The following XXYLT1 variants were observed in gnomAD, a reference collection of about 807,000 sequenced individuals.
XXYLT1 encodes the protein UDP-xylose:alpha-xyloside alpha-1,3-xylosyltransferase.
Under a neutral mutation model 28.9 loss-of-function variants are expected in XXYLT1, and 20 were observed. The observed-to-expected ratio is 0.69, with a 90% CI of 0.49 to 1.00. The LOEUF is 1.00. Ranked by LOEUF, XXYLT1 falls within the 50% of genes least tolerant of loss-of-function variation. The probability of loss-of-function intolerance (pLI) is 0.00; values close to 1 mark genes in which losing one functional copy is unlikely to be tolerated. For synonymous variants in XXYLT1, 257 were observed against 253.8 expected (o/e 1.01, Z -0.12); for missense variants, 542 against 560.1 (o/e 0.97, Z 0.33).
At chr3:195,158,832 G>C (rs1720733330) in intron 2 of XXYLT1, among the ~76,000 whole-genome samples, 1 of 152,222 alleles carries the variant, frequency 6.6e-6, no homozygotes, top group Admixed American at 6.5e-5. Flanking sequence ...TGAAGAGAAA[G>C]ATGCTTACTA....
chr3:195,085,291 C>CT (rs1715657432), intron 3 of XXYLT1, among the ~76,000 whole-genome samples: 1 of 152,226 alleles, frequency 6.6e-6, no homozygotes, highest in Admixed American at 6.5e-5. Context: ...CTCCAAACCT[C>CT]TTGGGAATGG....
intron 2 of XXYLT1, among the ~76,000 whole-genome samples, chr3:195,187,705 T>C (rs1722263334): frequency 6.6e-6 from 1 of 152,212 alleles, no homozygotes; most frequent in Non-Finnish European, 1.5e-5. Context: ...TGAAACTTTT[T>C]TCATTTGCAG....
intron 2 of XXYLT1, chr3:195,175,848 G>A: frequency 3.5e-6 from 5 of 1,412,958 alleles, no homozygotes; most frequent in Non-Finnish European, 3.7e-6. Flanking sequence ...TTAAAAGGAA[G>A]ATGTCCTAGA....
At chr3:195,086,786 G>A (rs750896733) in intron 3 of XXYLT1, among the ~76,000 whole-genome samples, 2 of 152,132 alleles carry the variant, frequency 1.3e-5, no homozygotes, top group African/African-American at 2.4e-5. Flanking sequence ...GAGATACTTA[G>A]CAGGTGTATG....
At chr3:195,148,543 A>G (rs1167474516) in intron 3 of XXYLT1, among the ~76,000 whole-genome samples, 1 of 152,140 alleles carries the variant, frequency 6.6e-6, no homozygotes, top group Non-Finnish European at 1.5e-5. Context: ...CAAGTCCTAC[A>G]TTTATGCATC....
rs1190641440 is a variant in XXYLT1, at chr3:195,250,032, A to C, written c.504+20523T>G. On this transcript the variant is annotated intron_variant, in intron 1 of 3. Transcript: ENST00000310380. Reference sequence around the variant, plus strand: ...GGCCAGAGCCCTCCTCCTCTGACCCAGTCAAAGCTGGAATCCTCACTCTGA... The same window carrying C: ...GGCCAGAGCCCTCCTCCTCTGACCCCGTCAAAGCTGGAATCCTCACTCTGA... 3.9e-5 allele frequency among the ~76,000 whole-genome samples: 6 copies of C among 152,128 alleles called. No homozygotes were observed. The East Asian group carries it at 1.2e-3, about 29-fold the overall frequency.
chr3:195,244,489 C>T (rs879919155), intron 1 of XXYLT1, among the ~76,000 whole-genome samples: 4 of 152,080 alleles, frequency 2.6e-5, no homozygotes, highest in Admixed American at 6.5e-5. Flanking sequence ...CGGCCGGGCG[C>T]GGTGGCTCAT....
At chr3:195,143,842 A>G (rs1162754473) in intron 3 of XXYLT1, among the ~76,000 whole-genome samples, 1 of 82,556 alleles carries the variant, frequency 1.2e-5, no homozygotes, top group Non-Finnish European at 2.2e-5. Context: ...ATATAGATAT[A>G]GATATATATA....
rs536459515 is a variant in XXYLT1 at position 195,109,973 on chromosome 3, ATG to A, written c.786-39864_786-39863del. Among the ~76,000 whole-genome samples, 48 of 24,628 alleles carry A rather than the reference ATG, an allele frequency of 1.9e-3. 13 individuals carry two copies. Among genetic ancestry groups the A allele is most frequent in the African/African-American group, 5.6e-3 (45 of 7,990 alleles). The allele number at this position is 24,628 out of a possible 152,430, so 16.2% of individuals were successfully genotyped here. A position where few individuals can be genotyped will look rare whatever the true frequency, so the allele number is the denominator to read the frequency against. On this transcript the variant is annotated intron_variant, in intron 3 of 3. Coordinates refer to ENST00000310380, the MANE Select transcript of XXYLT1 (RefSeq NM_152531.5). ...GCGTGCATGTGTGTGTGTTGTGTGT[ATG>A]TGTGTGGGTGGGGGTGTGTGCATGG...
rs543145336 is a variant in XXYLT1 at position 195,256,982 on chromosome 3, T to G, written c.504+13573A>C. On this transcript the variant is annotated intron_variant, in intron 1 of 3. Coordinates refer to ENST00000310380, the MANE Select transcript of XXYLT1 (RefSeq NM_152531.5). This position sits in a 1 kb window ranked among gnomAD's most constrained non-coding sequence, Gnocchi z 4.2. Reference sequence around the variant, plus strand: ...CAGCATCAGCATTTCTTCATGGTAATGCAAGGGGGACAGTTCCAAAACCCA... The same window carrying G: ...CAGCATCAGCATTTCTTCATGGTAAGGCAAGGGGGACAGTTCCAAAACCCA... Among the ~76,000 whole-genome samples the G allele has an allele frequency of 2.6e-5, 4 of 152,274 alleles. No homozygotes were observed. In the East Asian group the frequency reaches 7.7e-4, roughly 29 times the overall value.
intron 1 of XXYLT1, among the ~76,000 whole-genome samples, chr3:195,231,768 A>T (rs1231069865): frequency 1.6e-4 from 24 of 147,124 alleles, no homozygotes; most frequent in Middle Eastern, 3.5e-3. Context: ...TTTTTTTTTT[A>T]AATGTACTGC....
intron 2 of XXYLT1, among the ~76,000 whole-genome samples, chr3:195,158,836 C>T (rs373283297): frequency 1.7e-4 from 26 of 152,268 alleles, no homozygotes; most frequent in African/African-American, 5.5e-4. Flanking sequence ...GAGAAAGATG[C>T]TTACTAGGAA....
Position 195,209,684 on chromosome 3 carries a change from AC to A in XXYLT1, c.652+17024del, listed in dbSNP as rs58148230. 9,685 of 152,712 alleles carry A rather than the reference AC, an allele frequency of 0.063. 425 individuals carry two copies. Among genetic ancestry groups the A allele is most frequent in the African/African-American group, 0.12 (5,181 of 41,518 alleles). The allele number at this position is 152,712 out of a possible 1,614,324, so 9.5% of individuals were successfully genotyped here. On this transcript the variant is annotated intron_variant, in intron 2 of 3. Transcript: ENST00000310380. This position sits in a 1 kb window ranked among gnomAD's most constrained non-coding sequence, Gnocchi z 5.0. ...AAAAGGCTGCAGCACAGGAGGGATGACCGGGGAGCAGCAGGAACGCTGACCA... is the reference window on the plus strand; with the variant it reads ...AAAAGGCTGCAGCACAGGAGGGATGACGGGGAGCAGCAGGAACGCTGACCA...
intron 3 of XXYLT1, among the ~76,000 whole-genome samples, chr3:195,148,778 T>C (rs1478242370): frequency 6.6e-6 from 1 of 152,212 alleles, no homozygotes; most frequent in African/African-American, 2.4e-5. Flanking sequence ...ACTGAGGAAC[T>C]TGAAGACAGA....
chr3:195,069,902 T>C lies in XXYLT1; in HGVS notation c.995A>G (p.Asp332Gly). 3.1e-6 allele frequency: 5 copies of C among 1,613,974 alleles called. No individual in the cohort carries two copies. The highest frequency in any genetic ancestry group is 4.2e-6 in the Non-Finnish European group (5 of 1,180,010). ...CTCCATGCCGATCATGGTGAAGAAGTCCTGGTCCCCGAGGTGGCCGCGGAA... is the reference window on the plus strand; with the variant it reads ...CTCCATGCCGATCATGGTGAAGAAGCCCTGGTCCCCGAGGTGGCCGCGGAA... Reference protein sequence around the residue: ...YHFRGHLGDQDFFTMIGMEHP... With the variant: ...YHFRGHLGDQGFFTMIGMEHP... The change falls in exon 4 of 4, where the codon GAC (aspartate) becomes GGC (glycine). Residue 332 changes from aspartate (D) to glycine (G), a missense_variant. Coordinates refer to ENST00000310380, the MANE Select transcript of XXYLT1 (RefSeq NM_152531.5).
intron 2 of XXYLT1, among the ~76,000 whole-genome samples, chr3:195,190,710 T>C (rs1246528914): frequency 2.0e-5 from 3 of 152,006 alleles, no homozygotes; most frequent in Non-Finnish European, 4.4e-5. Context: ...CACTGGGTTG[T>C]TGGGTTTATA....
chr3:195,083,483 G>A (rs954717565), intron 3 of XXYLT1, among the ~76,000 whole-genome samples: 1 of 152,146 alleles, frequency 6.6e-6, no homozygotes, highest in African/African-American at 2.4e-5. Context: ...CCTGACACCA[G>A]AGGTCCTTCT....
rs1721687957 is a variant in XXYLT1 at position 195,176,794 on chromosome 3, AG to A, written c.653-20214del. Reference sequence around the variant, plus strand: ...GAAAAGCTCAGTAAGAAGACGCAAAAGTCACAGTTCCCATGGTAACCCTCCT... The same window carrying A: ...GAAAAGCTCAGTAAGAAGACGCAAAATCACAGTTCCCATGGTAACCCTCCT... On this transcript the variant is annotated intron_variant, in intron 2 of 3. Coordinates refer to ENST00000310380, the MANE Select transcript of XXYLT1 (RefSeq NM_152531.5). The surrounding 1 kb of genome is among the most constrained non-coding windows in gnomAD (Gnocchi z 4.9). Among the ~76,000 whole-genome samples the A allele has an allele frequency of 6.6e-6, 1 of 152,218 alleles. No individual in the cohort carries two copies. The highest frequency in any genetic ancestry group is 2.4e-5 in the African/African-American group (1 of 41,452).
Position 195,213,263 on chromosome 3 carries a change from CTTTTTTTTTTT to C in XXYLT1, c.652+13435_652+13445del, listed in dbSNP as rs924778735. Among the ~76,000 whole-genome samples the C allele has an allele frequency of 2.2e-3, 278 of 129,042 alleles. 1 individual carries two copies. Among genetic ancestry groups the C allele is most frequent in the African/African-American group, 8.7e-3 (270 of 31,170 alleles). 84.7% of individuals were successfully genotyped at this position (129,042 alleles called of 152,430 possible). On this transcript the variant is annotated intron_variant, in intron 2 of 3. Transcript: ENST00000310380. ...ATCTGAGGGCAGCACTTCTTTCTTT[CTTTTTTTTTTT>C]TTTTTTTGAGACGGAGCTTCGCTCT...
Sources: gnomAD v4.1 joint callset for allele counts (sites outside exome capture counted in the v4.1 genomes callset) on GRCh38, gnomAD v4.1.1 for gene constraint, Gnocchi (gnomAD v3.1) non-coding constraint, MANE v1.5 for transcripts, NCBI Gene and HGNC (gene_info 2026-07-23, HGNC 2026-07-21) for gene names.